The following ARGLU1 variants were observed in gnomAD, a reference collection of about 807,000 sequenced individuals.
ARGLU1 encodes arginine and glutamate-rich protein 1.
Under a neutral mutation model 37.6 loss-of-function variants are expected in ARGLU1, and 9 were observed. The ratio of observed to expected loss-of-function variants is 0.24; its 90% confidence interval spans 0.14 to 0.42. The LOEUF (loss-of-function observed/expected upper bound fraction) is 0.42, where lower values mean the gene tolerates loss of function less well. ARGLU1 is among the 10% of genes least tolerant of loss of function. ARGLU1 has a pLI of 1.00. For missense variants in ARGLU1, 211 were observed against 359.2 expected, an observed-to-expected ratio of 0.59 and a Z score of 3.34; for synonymous variants, 166 against 138.5, an observed-to-expected ratio of 1.20 and a Z score of -1.39.
At chr13:106,563,734 G>A (rs1484229391) in intron 1 of ARGLU1, among the ~76,000 whole-genome samples, 1 of 152,034 alleles carries the variant, frequency 6.6e-6, no homozygotes, top group Non-Finnish European at 1.5e-5. Flanking sequence ...AAAAATATGC[G>A]GTTCCATATA....
chr13:106,555,647 G>A (rs1880644557), intron 3 of ARGLU1, among the ~76,000 whole-genome samples: 1 of 152,126 alleles, frequency 6.6e-6, no homozygotes, highest in South Asian at 2.1e-4. Context: ...GAAGTATTAG[G>A]TTATGACTAC....
chr13:106,559,767 A>AT (rs1186706743), intron 1 of ARGLU1, 110 bp from the exon 2 acceptor site: 18 of 1,182,238 alleles, frequency 1.5e-5, no homozygotes, highest in African/African-American at 4.7e-5. Context: ...TTATTCAGTG[A>AT]TTTTTTCAGA....
chr13:106,565,078 T>C (rs1031354023), intron 1 of ARGLU1, among the ~76,000 whole-genome samples: 3 of 152,204 alleles, frequency 2.0e-5, no homozygotes, highest in Non-Finnish European at 4.4e-5. Flanking sequence ...CACCTCTTAG[T>C]TTCCATCCTA....
At chr13:106,558,825 A>C (rs1880721878) in intron 2 of ARGLU1, 18 of 985,362 alleles carry the variant, frequency 1.8e-5, no homozygotes, top group Non-Finnish European at 2.2e-5. Flanking sequence ...TTTTTCCTAA[A>C]AAGATTCCTT....
chr13:106,565,659 TAA>T (rs1157153095), intron 1 of ARGLU1, among the ~76,000 whole-genome samples: 1 of 152,228 alleles, frequency 6.6e-6, no homozygotes, highest in African/African-American at 2.4e-5. Context: ...CTCCAACACT[TAA>T]GTCTTTCCAT....
chr13:106,554,399 A>G (rs76347476), intron 3 of ARGLU1, among the ~76,000 whole-genome samples: 5,676 of 152,232 alleles, frequency 0.037, 391 homozygotes, highest in African/African-American at 0.13. Flanking sequence ...TGTATTTTAC[A>G]TATTTCCCAA....
intron 1 of ARGLU1, among the ~76,000 whole-genome samples, chr13:106,563,495 G>A (rs1880872756): frequency 6.6e-6 from 1 of 151,810 alleles, no homozygotes; most frequent in African/African-American, 2.4e-5. Context: ...CAGATTTAAC[G>A]ACCAAAAAAA....
At position 106,557,183 on chromosome 13, in the gene ARGLU1, T is replaced by C. The variant is rs530088072; in HGVS notation, c.574-52A>G. 5.6e-5 allele frequency: 81 copies of C among 1,441,786 alleles called. No homozygotes were observed. The highest frequency in any genetic ancestry group is 8.5e-5 in the Admixed American group (5 of 58,558). 89.3% of individuals were successfully genotyped at this position (1,441,786 alleles called of 1,614,324 possible). A position where few individuals can be genotyped will look rare whatever the true frequency, so the allele number is the denominator to read the frequency against. On this transcript the variant is annotated intron_variant, in intron 2 of 3. Coordinates refer to ENST00000400198, the MANE Select transcript of ARGLU1 (RefSeq NM_018011.4). This position sits in a 1 kb window ranked among gnomAD's most constrained non-coding sequence, Gnocchi z 5.0. ...TAGAAAAACAAAATGTTTATTTTTATTGATAAATATTTACTAATCTTCCTC... is the reference window on the plus strand; with the variant it reads ...TAGAAAAACAAAATGTTTATTTTTACTGATAAATATTTACTAATCTTCCTC...
chr13:106,551,072 A>T (rs1880519694), intron 3 of ARGLU1, among the ~76,000 whole-genome samples: 2 of 152,346 alleles, frequency 1.3e-5, no homozygotes, highest in Non-Finnish European at 2.9e-5. Context: ...CCTATGAGTT[A>T]CATGCATAGT....
intron 3 of ARGLU1, among the ~76,000 whole-genome samples, chr13:106,547,281 ACT>A (rs1880417277): frequency 6.6e-6 from 1 of 152,120 alleles, no homozygotes; most frequent in South Asian, 2.1e-4. Flanking sequence ...TATAAAGAGC[ACT>A]CTCACACTAT....
intron 1 of ARGLU1, among the ~76,000 whole-genome samples, chr13:106,562,990 C>CAAAAAA (rs745494550): frequency 3.0e-5 from 2 of 67,418 alleles, no homozygotes; most frequent in Non-Finnish European, 5.6e-5. Flanking sequence ...GACCCTGTCT[C>CAAAAAA]AAAAAAAAAA....
In ARGLU1 at chr13:106,567,494, C is replaced by T; in HGVS notation, c.347+79G>A. The T allele has an allele frequency of 1.9e-6, 2 of 1,051,570 alleles. No homozygotes were observed. The highest frequency in any genetic ancestry group is 1.4e-5 in the South Asian group (1 of 72,996). The allele number at this position is 1,051,570 out of a possible 1,614,324, so 65.1% of individuals were successfully genotyped here. A position where few individuals can be genotyped will look rare whatever the true frequency, so the allele number is the denominator to read the frequency against. On this transcript the variant is annotated intron_variant, in intron 1 of 3. Coordinates refer to ENST00000400198, the MANE Select transcript of ARGLU1 (RefSeq NM_018011.4). This position sits in a 1 kb window ranked among gnomAD's most constrained non-coding sequence, Gnocchi z 4.3. ...GTCCCCGCCATTCTCCCGGCCCGCA[C>T]CGTCCCGCCCCGGCCCCACGCCCTC...
At chr13:106,551,945 T>A (rs748154235) in intron 3 of ARGLU1, among the ~76,000 whole-genome samples, 9 of 152,212 alleles carry the variant, frequency 5.9e-5, no homozygotes, top group Non-Finnish European at 1.2e-4. Context: ...CATTGCAAGA[T>A]ACTTAATCAC....
In ARGLU1 at chr13:106,556,939, A is replaced by AT. The variant is rs1594192202; in HGVS notation, c.657+108dup. The AT allele has an allele frequency of 1.0e-4, 89 of 893,054 alleles. No individual in the cohort carries two copies. In the East Asian group the frequency reaches 2.3e-3, roughly 23 times the overall value. The allele number at this position is 893,054 out of a possible 1,614,324, so 55.3% of individuals were successfully genotyped here. On this transcript the variant is annotated intron_variant, in intron 3 of 3. Transcript: ENST00000400198. ...AAAGCCTTTAAAGTTAGTCCTGAGA[A>AT]TCCCCCCAAAATAAGTCAAATTATA...
intron 3 of ARGLU1, among the ~76,000 whole-genome samples, chr13:106,552,747 CCT>C (rs1880561593): frequency 2.6e-5 from 4 of 152,080 alleles, no homozygotes; most frequent in African/African-American, 7.2e-5. Context: ...CCTTCAAATA[CCT>C]AAAGATAGTT....
Position 106,543,113 on chromosome 13 carries a change from C to G in ARGLU1, c.*883G>C, listed in dbSNP as rs1207430868. On this transcript the variant is annotated 3_prime_UTR_variant, in exon 4 of 4. Transcript: ENST00000400198. ...TTGTTAGTCTTTCTTAAAGGTAACA[C>G]TGATGCCATTTGCTCTATCAGCATA... The G allele has an allele frequency of 6.6e-6, 1 of 152,068 alleles. No individual in the cohort carries two copies. Among genetic ancestry groups the G allele is most frequent in the East Asian group, 1.9e-4 (1 of 5,198 alleles). 9.4% of individuals were successfully genotyped at this position (152,068 alleles called of 1,614,324 possible).
At chr13:106,554,262 C>A (rs942556195) in intron 3 of ARGLU1, among the ~76,000 whole-genome samples, 2 of 151,954 alleles carry the variant, frequency 1.3e-5, no homozygotes, top group African/African-American at 4.8e-5. Flanking sequence ...AGTTGTTTTT[C>A]TCAATATAGA....
At chr13:106,546,009 A>ACTTTCCCT in intron 3 of ARGLU1, among the ~76,000 whole-genome samples, 1 of 152,332 alleles carries the variant, frequency 6.6e-6, no homozygotes, top group East Asian at 1.9e-4. Flanking sequence ...CTTAAAATAA[A>ACTTTCCCT]TCTGCCCTTT....
chr13:106,544,087 C>T lies in ARGLU1; in HGVS notation c.731G>A (p.Arg244Gln). Residue 244 changes from arginine to glutamine, a missense_variant, in exon 4 of 4, where the codon CGA (arginine) becomes CAA (glutamine). This residue lies in a region of ARGLU1 where 80 missense variants were observed against 158.4 expected (regional missense o/e 0.51). Coordinates refer to ENST00000400198, the MANE Select transcript of ARGLU1 (RefSeq NM_018011.4). ...HEERMKLEQE[R>Q]QRQQKEEQKI... is the part of the protein sequence containing the mutation. ...TTGTTCTTCTTTTTGTTGACGTTGT[C>T]GTTCTTGTTCTAGTTTCATCCTTTC... The T allele has an allele frequency of 6.2e-7, 1 of 1,607,498 alleles. No homozygotes were observed. The highest frequency in any genetic ancestry group is 8.5e-7 in the Non-Finnish European group (1 of 1,177,556).
Sources: allele counts gnomAD v4.1 joint callset (sites outside exome capture counted in the v4.1 genomes callset), GRCh38; gene constraint gnomAD v4.1.1; regional missense constraint gnomAD v4.1.1; non-coding constraint Gnocchi (gnomAD v3.1); transcripts MANE v1.5; gene names NCBI Gene and HGNC (gene_info 2026-07-23, HGNC 2026-07-21).